The following CFHR5 variants were observed in gnomAD, a reference collection of about 807,000 sequenced individuals.
CFHR5 encodes the protein complement factor H-related protein 5.
Under a neutral mutation model 62.9 loss-of-function variants are expected in CFHR5, and 73 were observed. The observed-to-expected ratio is 1.16, with a 90% CI of 0.96 to 1.41. CFHR5 has a LOEUF of 1.41. Among genes scored for constraint, CFHR5 ranks in the 40% most tolerant of loss-of-function variants. CFHR5 has a pLI of 0.00. For missense variants in CFHR5, 779 were observed against 679.9 expected (o/e 1.15, Z -1.62); for synonymous variants, 249 against 227.2 (o/e 1.10, Z -0.86).
At chr1:196,978,750 T>G (rs558477706) in intron 1 of CFHR5, among the ~76,000 whole-genome samples, 4 of 152,304 alleles carry the variant, frequency 2.6e-5, no homozygotes, top group South Asian at 4.2e-4. Context: ...TGATTTTTCT[T>G]AAGTCTGTGT....
chr1:197,007,381 A>T (rs1195609323), intron 9 of CFHR5, among the ~76,000 whole-genome samples: 1 of 152,138 alleles, frequency 6.6e-6, no homozygotes, highest in African/African-American at 2.4e-5. Context: ...AATTCAGTAT[A>T]AAAATTATGT....
chr1:196,981,705 C>A (rs1186240242), intron 1 of CFHR5, among the ~76,000 whole-genome samples: 1 of 151,828 alleles, frequency 6.6e-6, no homozygotes, highest in Non-Finnish European at 1.5e-5. Flanking sequence ...CAGCAGATAC[C>A]AAAATCCACA....
chr1:196,996,317 C>T (rs981992255), intron 6 of CFHR5, 116 bp downstream of exon 6: 14 of 799,988 alleles, frequency 1.8e-5, no homozygotes, highest in Non-Finnish European at 2.8e-5. Flanking sequence ...CTTCCTTCCA[C>T]AAGTAAAATA....
At chr1:196,975,208 T>C (rs1653368558), upstream of CFHR5, among the ~76,000 whole-genome samples, 1 of 152,208 alleles carries the variant, frequency 6.6e-6, no homozygotes, top group Non-Finnish European at 1.5e-5. Context: ...CATTGGTGAC[T>C]GTTACAAGAG....
intron 8 of CFHR5, among the ~76,000 whole-genome samples, chr1:197,004,296 G>T (rs1281674322): frequency 4.6e-5 from 7 of 152,070 alleles, no homozygotes; most frequent in African/African-American, 1.7e-4. Context: ...ATACTAGTTG[G>T]TATATGCTAT....
At chr1:196,990,877 T>A (rs1056490281) in intron 3 of CFHR5, among the ~76,000 whole-genome samples, 1 of 152,168 alleles carries the variant, frequency 6.6e-6, no homozygotes, top group African/African-American at 2.4e-5. Flanking sequence ...ATTTTTTTGG[T>A]GTTCTCTGCA....
intron 5 of CFHR5, 58 bp from the exon 6 acceptor site, chr1:196,995,964 A>T (rs1653979896): frequency 1.9e-6 from 3 of 1,594,152 alleles, no homozygotes; most frequent in East Asian, 4.5e-5. Context: ...ATAAATACAC[A>T]TGTAAACAGA....
At chr1:197,004,583 G>T (rs1191985067) in intron 8 of CFHR5, 78 bp from the exon 9 acceptor site, 20 of 1,124,394 alleles carry the variant, frequency 1.8e-5, no homozygotes, top group Middle Eastern at 2.2e-4. Flanking sequence ...TTATATTAAA[G>T]ATATGATACA....
upstream of CFHR5, among the ~76,000 whole-genome samples, chr1:196,975,142 T>C (rs1405318992): frequency 6.6e-6 from 1 of 152,180 alleles, no homozygotes; most frequent in Non-Finnish European, 1.5e-5. Flanking sequence ...GGGAAAGTCA[T>C]GAAATTTTTC....
chr1:196,995,646 A>G, intron 4 of CFHR5, 71 bp from the exon 5 acceptor site: 1 of 1,393,038 alleles, frequency 7.2e-7, no homozygotes, highest in East Asian at 2.3e-5. Flanking sequence ...CTAAGTCAAA[A>G]ATTTAGTAAC....
intron 9 of CFHR5, among the ~76,000 whole-genome samples, chr1:197,005,991 A>G (rs1267642904): frequency 2.6e-5 from 4 of 152,174 alleles, no homozygotes; most frequent in African/African-American, 9.7e-5. Flanking sequence ...GCTAGAATGA[A>G]GAAAAACTAG....
upstream of CFHR5, among the ~76,000 whole-genome samples, chr1:196,975,843 G>A (rs1653384523): frequency 6.6e-6 from 1 of 152,166 alleles, no homozygotes; most frequent in Non-Finnish European, 1.5e-5. Flanking sequence ...TATTTGCAAA[G>A]GATTGAGGTT....
chr1:196,981,552 T>A (rs1365997760), intron 1 of CFHR5, among the ~76,000 whole-genome samples: 1 of 151,982 alleles, frequency 6.6e-6, no homozygotes, highest in East Asian at 1.9e-4. Flanking sequence ...CATGAATATT[T>A]CACCCATTTT....
intron 8 of CFHR5, among the ~76,000 whole-genome samples, chr1:197,004,178 A>G (rs1437529055): frequency 6.6e-6 from 1 of 152,190 alleles, no homozygotes; most frequent in Non-Finnish European, 1.5e-5. Context: ...AAGTTGAAAC[A>G]TTTATTGATA....
rs1272993767 is a variant in CFHR5, at chr1:197,008,899, T to C, written c.*216T>C. The C allele has an allele frequency of 3.9e-6, 2 of 519,294 alleles. No individual in the cohort carries two copies. 32.2% of individuals were successfully genotyped at this position (519,294 alleles called of 1,614,324 possible). On this transcript the variant is annotated 3_prime_UTR_variant, in exon 10 of 10. Transcript: ENST00000256785. Reference sequence around the variant, plus strand: ...GGGTGTCTTAGTCCATATTACATTGTTATAACAGAGTATCACAGACTGGAT... The same window carrying C: ...GGGTGTCTTAGTCCATATTACATTGCTATAACAGAGTATCACAGACTGGAT...
chr1:197,001,658 C>T (rs1257606268), intron 7 of CFHR5, among the ~76,000 whole-genome samples: 1 of 151,310 alleles, frequency 6.6e-6, no homozygotes, highest in East Asian at 1.9e-4. Context: ...CCCATTAACT[C>T]GTCATTTAGC....
intron 6 of CFHR5, 120 bp from the exon 7 acceptor site, chr1:196,998,008 T>G: frequency 4.5e-4 from 289 of 642,560 alleles, no homozygotes; most frequent in Non-Finnish European, 5.5e-4. Flanking sequence ...TTTTGTGCAA[T>G]GAGATTAAGA....
chr1:197,006,227 A>C (rs908439262), intron 9 of CFHR5, among the ~76,000 whole-genome samples: 33 of 152,142 alleles, frequency 2.2e-4, no homozygotes, highest in African/African-American at 7.7e-4. Flanking sequence ...GTTTGTGGGA[A>C]GGGCATTCTA....
At position 197,008,838 on chromosome 1, in the gene CFHR5, T is replaced by G; in HGVS notation, c.*155T>G. 1 of 671,384 alleles carries G rather than the reference T, an allele frequency of 1.5e-6. No individual in the cohort carries two copies. The highest frequency in any genetic ancestry group is 2.6e-6 in the Non-Finnish European group (1 of 381,116). 41.6% of individuals were successfully genotyped at this position (671,384 alleles called of 1,614,324 possible). ...TCTGGATTTTTAGAGCTTTAGAAATTTGTAAGCTGAGAGAACAATGTTTCA... is the reference window on the plus strand; with the variant it reads ...TCTGGATTTTTAGAGCTTTAGAAATGTGTAAGCTGAGAGAACAATGTTTCA... On this transcript the variant is annotated 3_prime_UTR_variant, in exon 10 of 10. Transcript: ENST00000256785.
Sources: allele counts gnomAD v4.1 joint callset (sites outside exome capture counted in the v4.1 genomes callset), GRCh38; gene constraint gnomAD v4.1.1; transcripts MANE v1.5; gene names NCBI Gene and HGNC (gene_info 2026-07-23, HGNC 2026-07-21).